CSMD1: variants seen among roughly 807,000 people sequenced by gnomAD.
CSMD1 encodes the protein CUB and Sushi multiple domains 1.
CSMD1 carries 213 observed loss-of-function variants against 417.5 expected under a neutral mutation model. The ratio of observed to expected loss-of-function variants is 0.51; its 90% confidence interval spans 0.46 to 0.57. The LOEUF (loss-of-function observed/expected upper bound fraction) is 0.57, where lower values mean the gene tolerates loss of function less well. CSMD1 is among the 20% of genes least tolerant of loss of function. The pLI is 0.00. For missense variants in CSMD1, 6,923 were observed against 4,529.7 expected, an observed-to-expected ratio of 1.53 and a Z score of -15.17; for synonymous variants, 2,862 against 1,736.8, an observed-to-expected ratio of 1.65 and a Z score of -16.11.
chr8:3,778,181 G>C (rs117559668), intron 5 of CSMD1, among the ~76,000 whole-genome samples: 113 of 152,340 alleles, frequency 7.4e-4, no homozygotes, highest in Non-Finnish European at 1.4e-3. Flanking sequence ...GCGTCAGCAG[G>C]GGGCAGGGAC....
intron 3 of CSMD1, among the ~76,000 whole-genome samples, chr8:4,417,656 G>C (rs959333635): frequency 5.3e-4 from 81 of 151,942 alleles, no homozygotes; most frequent in African/African-American, 1.9e-3. Context: ...TCAAATAACA[G>C]GATCCGTGGG....
At chr8:4,014,019 G>T (rs1796401932) in intron 4 of CSMD1, among the ~76,000 whole-genome samples, 1 of 151,980 alleles carries the variant, frequency 6.6e-6, no homozygotes, top group Non-Finnish European at 1.5e-5. Flanking sequence ...AATACTGAAA[G>T]GACATACGGA....
intron 3 of CSMD1, among the ~76,000 whole-genome samples, chr8:4,403,387 C>G (rs963971587): frequency 1.3e-5 from 2 of 152,168 alleles, no homozygotes; most frequent in African/African-American, 4.8e-5. Flanking sequence ...TAACTTCTCT[C>G]ATCTAATTCT....
chr8:3,903,662 T>A (rs1032065106), intron 5 of CSMD1, among the ~76,000 whole-genome samples: 10 of 152,126 alleles, frequency 6.6e-5, no homozygotes, highest in African/African-American at 2.4e-4. Context: ...TCCTTACAAA[T>A]TGACCCTGGC....
At chr8:3,322,810 C>G (rs759935931) in intron 23 of CSMD1, among the ~76,000 whole-genome samples, 1 of 152,226 alleles carries the variant, frequency 6.6e-6, no homozygotes, top group Non-Finnish European at 1.5e-5. Flanking sequence ...CCTGTCCAGT[C>G]TGCTTACAAA....
intron 5 of CSMD1, among the ~76,000 whole-genome samples, chr8:3,970,503 G>A (rs1233984531): frequency 6.6e-6 from 1 of 152,060 alleles, no homozygotes; most frequent in Admixed American, 6.6e-5. Context: ...TCACATTCTT[G>A]GTTTTAAGGA....
rs542581936 is a variant in CSMD1, at chr8:3,466,706, G to C, written c.1561+2006C>G. Among the ~76,000 whole-genome samples, 11 of 151,264 alleles carry C rather than the reference G, an allele frequency of 7.3e-5. No homozygotes were observed. In the South Asian group the frequency reaches 8.4e-4, roughly 12 times the overall value. ...GGTCTCCCAAAGCACTATGATTAAA[G>C]GTGTCAGCCCCCCTGCCCGGGCTGT... On this transcript the variant is annotated intron_variant, in intron 12 of 69. Coordinates refer to ENST00000635120, the MANE Select transcript of CSMD1 (RefSeq NM_033225.6).
chr8:3,502,622 T>C (rs2117350134), intron 10 of CSMD1, among the ~76,000 whole-genome samples: 1 of 152,244 alleles, frequency 6.6e-6, no homozygotes, highest in South Asian at 2.1e-4. Flanking sequence ...GAAGGTGACG[T>C]GTTGCAACAT....
In CSMD1 at chr8:3,733,156, G is replaced by A. The variant is rs904277490; in HGVS notation, c.931+20774C>T. On this transcript the variant is annotated intron_variant, in intron 6 of 69. Transcript: ENST00000635120. ...AAGTTAGGAATTAGACTCAGTACCAGGAGGCCATAAATACACACACACACA... is the reference window on the plus strand; with the variant it reads ...AAGTTAGGAATTAGACTCAGTACCAAGAGGCCATAAATACACACACACACA... Among the ~76,000 whole-genome samples the A allele has an allele frequency of 3.8e-5, 5 of 131,334 alleles. No homozygotes were observed. The South Asian group carries it at 1.3e-3, about 34-fold the overall frequency. The allele number at this position is 131,334 out of a possible 152,430, so 86.2% of individuals were successfully genotyped here. A position where few individuals can be genotyped will look rare whatever the true frequency, so the allele number is the denominator to read the frequency against.
At chr8:4,796,639 G>A (rs1167417389) in intron 1 of CSMD1, among the ~76,000 whole-genome samples, 1 of 152,060 alleles carries the variant, frequency 6.6e-6, no homozygotes, top group Non-Finnish European at 1.5e-5. Context: ...CATACCCATG[G>A]GGAAAAACAC....
intron 1 of CSMD1, among the ~76,000 whole-genome samples, chr8:4,980,733 T>C (rs946362808): frequency 6.6e-6 from 1 of 151,992 alleles, no homozygotes; most frequent in Non-Finnish European, 1.5e-5. Context: ...CAAGACCCTG[T>C]CTCTGCAAAA....
chr8:3,415,382 G>T (rs117780299), intron 12 of CSMD1, among the ~76,000 whole-genome samples: 1,963 of 152,232 alleles, frequency 0.013, 46 homozygotes, highest in East Asian at 0.097. Flanking sequence ...ATTTGAAATG[G>T]AGCCTCGCTC....
intron 2 of CSMD1, among the ~76,000 whole-genome samples, chr8:4,565,902 G>C (rs73184933): frequency 0.093 from 13,934 of 149,830 alleles, 740 homozygotes; most frequent in South Asian, 0.13. Flanking sequence ...TTTCCTCATA[G>C]AAATAATGTT....
intron 26 of CSMD1, among the ~76,000 whole-genome samples, chr8:3,272,822 A>C (rs1054578973): frequency 7.3e-5 from 11 of 150,460 alleles, no homozygotes; most frequent in Admixed American, 4.0e-4. Flanking sequence ...CAGCTTAAGG[A>C]GATTTTGGGC....
chr8:3,412,449 A>G (rs926343536), intron 12 of CSMD1, among the ~76,000 whole-genome samples: 2 of 152,104 alleles, frequency 1.3e-5, no homozygotes, highest in African/African-American at 4.8e-5. Context: ...GTTGATCCAG[A>G]GATGTTATAT....
chr8:4,656,250 TCAGGGGG>T (rs1366329611), intron 1 of CSMD1, among the ~76,000 whole-genome samples: 2 of 151,938 alleles, frequency 1.3e-5, no homozygotes, highest in Admixed American at 6.6e-5. Flanking sequence ...AGCCAGACTT[TCAGGGGG>T]CAGTAGAAGA....
intron 57 of CSMD1, among the ~76,000 whole-genome samples, chr8:2,969,550 T>G (rs1399777754): frequency 1.3e-5 from 2 of 152,214 alleles, no homozygotes; most frequent in African/African-American, 4.8e-5. Context: ...TTTTTATAAT[T>G]TATTCAATTT....
chr8:3,004,958 G>A (rs1223730954), intron 52 of CSMD1, among the ~76,000 whole-genome samples: 7 of 152,150 alleles, frequency 4.6e-5, no homozygotes, highest in African/African-American at 1.7e-4. Flanking sequence ...GGCCAACATG[G>A]TGAAAGCCCA....
intron 40 of CSMD1, among the ~76,000 whole-genome samples, chr8:3,146,095 T>G (rs2129033350): frequency 6.6e-6 from 1 of 152,332 alleles, no homozygotes; most frequent in Admixed American, 6.5e-5. Flanking sequence ...CTAAAGAACC[T>G]TTTATATTGT....
Sources: allele counts gnomAD v4.1 joint callset (sites outside exome capture counted in the v4.1 genomes callset), GRCh38; gene constraint gnomAD v4.1.1; transcripts MANE v1.5; gene names NCBI Gene and HGNC (gene_info 2026-07-23, HGNC 2026-07-21).